Variants in CLASP1 observed in about 807,000 individuals in gnomAD.
CLASP1 encodes the protein CLIP-associating protein 1.
CLASP1 carries 38 observed loss-of-function variants against 192.3 expected under a neutral mutation model. The observed-to-expected ratio is 0.20, with a 90% confidence interval of 0.15 to 0.26. The LOEUF (loss-of-function observed/expected upper bound fraction) is 0.26. Among genes scored for constraint, CLASP1 ranks in the 10% least tolerant of loss-of-function variants. The probability of loss-of-function intolerance (pLI) is 1.00; values close to 1 mark genes in which losing one functional copy is unlikely to be tolerated. For synonymous variants in CLASP1, 691 were observed against 712.8 expected, an observed-to-expected ratio of 0.97 and a Z score of 0.49; for missense variants, 1,433 against 1,932.5, an observed-to-expected ratio of 0.74 and a Z score of 4.85.
intron 1 of CLASP1, among the ~76,000 whole-genome samples, chr2:121,610,144 A>G (rs2065024661): frequency 6.6e-6 from 1 of 152,224 alleles, no homozygotes; most frequent in Admixed American, 6.5e-5. Flanking sequence ...TTAGAAAATA[A>G]GAGGGAAAAA....
intron 8 of CLASP1, among the ~76,000 whole-genome samples, chr2:121,498,952 C>T (rs1414863519): frequency 6.6e-6 from 1 of 152,210 alleles, no homozygotes; most frequent in African/African-American, 2.4e-5. Flanking sequence ...AAAGTGGAAA[C>T]TCTTACAGGT....
Position 121,348,509 on chromosome 2 carries a change from T to G in CLASP1, c.4413+3A>C. 1 of 1,605,484 alleles carries G rather than the reference T, an allele frequency of 6.2e-7. No individual in the cohort carries two copies. Among genetic ancestry groups the G allele is most frequent in the Admixed American group, 1.7e-5 (1 of 58,938 alleles). ...GGCAGGCCCCACCAACACGAGGGCC[T>G]ACCTGCAGCAAGCCTGGGATGATGT... On this transcript the variant is annotated splice_donor_region_variant and intron_variant, in intron 38 of 39. Coordinates refer to ENST00000263710, the Ensembl canonical transcript of CLASP1.
intron 8 of CLASP1, chr2:121,470,769 TATAA>T (rs1235940779): frequency 1.7e-5 from 6 of 363,156 alleles, no homozygotes; most frequent in Non-Finnish European, 3.2e-5. Context: ...AGAGAGGTCA[TATAA>T]ATGTACATTT....
chr2:121,437,715 A>C (rs760790612), intron 19 of CLASP1, among the ~76,000 whole-genome samples: 1 of 152,178 alleles, frequency 6.6e-6, no homozygotes, highest in East Asian at 1.9e-4. Context: ...TTTGTTCACT[A>C]ATGATGATGC....
intron 2 of CLASP1, among the ~76,000 whole-genome samples, chr2:121,598,467 G>T (rs907882944): frequency 6.6e-6 from 1 of 152,198 alleles, no homozygotes; most frequent in South Asian, 2.1e-4. Flanking sequence ...ATTCATATTA[G>T]TTGAATATTT....
intron 19 of CLASP1, among the ~76,000 whole-genome samples, chr2:121,439,453 T>C (rs940446695): frequency 6.6e-6 from 1 of 152,180 alleles, no homozygotes; most frequent in Non-Finnish European, 1.5e-5. Flanking sequence ...CTTTCTCTTG[T>C]GGGCATTTAG....
exon 40 of CLASP1, chr2:121,340,503 G>GA (rs879890668): frequency 4.3e-3 from 807 of 188,484 alleles, no homozygotes; most frequent in East Asian, 7.8e-3. Context: ...GTTATTAACT[G>GA]AAAAAAAAAA....
chr2:121,528,441 T>C (rs1025563400), intron 4 of CLASP1, among the ~76,000 whole-genome samples: 1 of 152,202 alleles, frequency 6.6e-6, no homozygotes, highest in Admixed American at 6.5e-5. Context: ...TAAAACTAAG[T>C]ATATTAGATT....
intron 7 of CLASP1, among the ~76,000 whole-genome samples, chr2:121,512,334 T>G (rs2094162341): frequency 6.6e-6 from 1 of 152,242 alleles, no homozygotes; most frequent in Non-Finnish European, 1.5e-5. Context: ...GCTAAAAGTC[T>G]ATGAAAGTAA....
chr2:121,377,764 T>C, intron 33 of CLASP1, 115 bp from the exon 35 acceptor site: 1 of 700,362 alleles, frequency 1.4e-6, no homozygotes, highest in South Asian at 2.6e-5. Flanking sequence ...GTTTTGTTTA[T>C]TGGGTGATTT....
chr2:121,532,139 TA>T (rs1320123705), intron 2 of CLASP1, among the ~76,000 whole-genome samples: 2 of 152,242 alleles, frequency 1.3e-5, no homozygotes, highest in Non-Finnish European at 2.9e-5. Flanking sequence ...CTTTGAAATC[TA>T]CTGCTTCAAA....
intron 1 of CLASP1, among the ~76,000 whole-genome samples, chr2:121,626,474 G>A (rs1033504902): frequency 5.3e-5 from 8 of 152,184 alleles, no homozygotes; most frequent in African/African-American, 1.2e-4. Context: ...CAAAACCTCT[G>A]TCAGATTGTA....
chr2:121,597,803 T>C (rs556659604), intron 2 of CLASP1, among the ~76,000 whole-genome samples: 1 of 152,328 alleles, frequency 6.6e-6, no homozygotes, highest in Non-Finnish European at 1.5e-5. Context: ...TGAGGCTGCA[T>C]GTTACTGCAC....
chr2:121,511,987 CA>C (rs2150323963), intron 7 of CLASP1, among the ~76,000 whole-genome samples: 1 of 152,268 alleles, frequency 6.6e-6, no homozygotes, highest in East Asian at 1.9e-4. Context: ...CCGAAACAAT[CA>C]TTAAGTAATA....
At chr2:121,459,738 T>C in intron 12 of CLASP1, 1 of 345,654 alleles carries the variant, frequency 2.9e-6, no homozygotes, top group East Asian at 4.4e-5. Context: ...AATAACTGCT[T>C]CAAAGTTTGA....
chr2:121,603,898 G>A (rs1438052067), intron 2 of CLASP1, among the ~76,000 whole-genome samples: 4 of 152,180 alleles, frequency 2.6e-5, no homozygotes, highest in African/African-American at 4.8e-5. Flanking sequence ...TAGAAGAGAC[G>A]ATAGCAGAGG....
At chr2:121,536,129 C>G (rs2095061761) in intron 2 of CLASP1, among the ~76,000 whole-genome samples, 1 of 151,544 alleles carries the variant, frequency 6.6e-6, no homozygotes, top group Admixed American at 6.6e-5. Flanking sequence ...CGCCTGTAAT[C>G]CCAGCACTTT....
intron 28 of CLASP1, 63 bp downstream of exon 29, chr2:121,401,446 T>C: frequency 1.5e-6 from 2 of 1,340,876 alleles, no homozygotes; most frequent in Non-Finnish European, 2.1e-6. Context: ...CAAAAGAGAA[T>C]GGCAAAAAGT....
At position 121,488,243 on chromosome 2, in the gene CLASP1, A is replaced by G. The variant is rs1277347707; in HGVS notation, c.712+14924T>C. Among the ~76,000 whole-genome samples the G allele has an allele frequency of 2.0e-5, 3 of 152,316 alleles. No homozygotes were observed. The East Asian group carries it at 5.8e-4, about 29-fold the overall frequency. On this transcript the variant is annotated intron_variant, in intron 8 of 39. Transcript: ENST00000263710. ...ATATCTACACAAAAAGATCAACTAT[A>G]TTATTTTAAACCTCAGTTCAACCTT...
Sources: allele counts gnomAD v4.1 joint callset (sites outside exome capture counted in the v4.1 genomes callset), GRCh38; gene constraint gnomAD v4.1.1; transcripts MANE v1.5; gene names NCBI Gene and HGNC (gene_info 2026-07-23, HGNC 2026-07-21).